Variants in UBAC2 observed in about 807,000 individuals in gnomAD.
The protein encoded by UBAC2 is ubiquitin-associated domain-containing protein 2.
UBAC2 carries 26 observed loss-of-function variants against 44.0 expected under a neutral mutation model. The observed-to-expected ratio is 0.59, with a 90% CI of 0.43 to 0.82. UBAC2 has a LOEUF of 0.82. Ranked by LOEUF, UBAC2 falls within the 40% of genes least tolerant of loss-of-function variation. The pLI is 0.00. For synonymous variants in UBAC2, 155 were observed against 154.3 expected (o/e 1.00, Z -0.04); for missense variants, 329 against 419.4 (o/e 0.78, Z 1.88).
chr13:99,240,869 T>C (rs1418190454), intron 2 of UBAC2, among the ~76,000 whole-genome samples: 8 of 152,210 alleles, frequency 5.3e-5, no homozygotes, highest in Non-Finnish European at 8.8e-5. Context: ...TTTTGACAGT[T>C]GATATGCTCA....
chr13:99,359,921 T>G (rs1346377548), intron 7 of UBAC2, among the ~76,000 whole-genome samples: 1 of 152,224 alleles, frequency 6.6e-6, no homozygotes, highest in African/African-American at 2.4e-5. Flanking sequence ...TGCTGTGTGC[T>G]TCACACTTCA....
chr13:99,224,378 CAAATTTTAGGAGGAAACGTTCAGTCCATA>C lies in UBAC2; in HGVS notation c.32-14047_32-14019del, dbSNP rs567439447. ...TTAGTCAGCATAGAGCTTCAACATA[CAAATTTTAGGAGGAAACGTTCAGTCCATA>C]ACAGTGATTTTCTGTTTGCTTGTAT... On this transcript the variant is annotated intron_variant, in intron 1 of 8. Transcript: ENST00000403766. Among the ~76,000 whole-genome samples the C allele has an allele frequency of 1.4e-4, 21 of 152,280 alleles. No individual in the cohort carries two copies. The East Asian group carries it at 3.9e-3, about 28-fold the overall frequency.
At chr13:99,243,496 T>C (rs192332922) in intron 2 of UBAC2, among the ~76,000 whole-genome samples, 115 of 152,286 alleles carry the variant, frequency 7.6e-4, no homozygotes, top group African/African-American at 2.6e-3. Context: ...GAACATTTGT[T>C]AGCCTTTCAT....
intron 4 of UBAC2, among the ~76,000 whole-genome samples, chr13:99,273,131 C>T (rs1369718066): frequency 6.6e-6 from 1 of 151,588 alleles, no homozygotes; most frequent in African/African-American, 2.4e-5. Flanking sequence ...TCTTTTATCT[C>T]TTCTATTAGT....
chr13:99,254,880 T>C, intron 4 of UBAC2: 1 of 1,607,502 alleles, frequency 6.2e-7, no homozygotes, highest in Non-Finnish European at 8.5e-7. Flanking sequence ...TTATTATTCA[T>C]AACATTTCAC....
intron 1 of UBAC2, among the ~76,000 whole-genome samples, chr13:99,235,479 C>G (rs531514079): frequency 1.3e-5 from 2 of 152,160 alleles, no homozygotes; most frequent in South Asian, 2.1e-4. Flanking sequence ...CCAAAATAAT[C>G]CTGAGCAAAA....
At chr13:99,357,583 A>G (rs2045205887) in intron 7 of UBAC2, among the ~76,000 whole-genome samples, 1 of 152,216 alleles carries the variant, frequency 6.6e-6, no homozygotes, top group Admixed American at 6.5e-5. Flanking sequence ...CAGCTTCCAC[A>G]GAGCACAGGG....
chr13:99,293,211 A>C (rs1166861038), intron 4 of UBAC2, among the ~76,000 whole-genome samples: 2 of 152,224 alleles, frequency 1.3e-5, no homozygotes, highest in Non-Finnish European at 2.9e-5. Context: ...GGGAGGAGGC[A>C]GAAAACTGAA....
At chr13:99,236,191 A>T (rs1444881324) in intron 1 of UBAC2, among the ~76,000 whole-genome samples, 10 of 152,234 alleles carry the variant, frequency 6.6e-5, no homozygotes, top group African/African-American at 2.2e-4. Context: ...AGCCAAAGGA[A>T]AAATAGACAA....
Position 99,200,901 on chromosome 13 carries a change from G to GC in UBAC2, c.-7dup, listed in dbSNP as rs2042785951. On this transcript the variant is annotated 5_prime_UTR_variant, in exon 1 of 9. Transcript: ENST00000403766. Reference sequence around the variant, plus strand: ...GGCGCCCTCTGGGGCTCCGAGCCCGGCGGGACCATGTTCACCAGCACCGGC... The same window carrying GC: ...GGCGCCCTCTGGGGCTCCGAGCCCGGCCGGGACCATGTTCACCAGCACCGGC... 1 of 1,303,818 alleles carries GC rather than the reference G, an allele frequency of 7.7e-7. No homozygotes were observed. Among genetic ancestry groups the GC allele is most frequent in the Non-Finnish European group, 9.8e-7 (1 of 1,018,254 alleles). 80.8% of individuals were successfully genotyped at this position (1,303,818 alleles called of 1,614,324 possible). A position where few individuals can be genotyped will look rare whatever the true frequency, so the allele number is the denominator to read the frequency against.
chr13:99,255,045 G>T (rs1700038253), intron 4 of UBAC2: 4 of 1,614,158 alleles, frequency 2.5e-6, no homozygotes, highest in Non-Finnish European at 2.5e-6. Flanking sequence ...ACGTGCTGAG[G>T]TTCATGAGGA....
chr13:99,265,517 G>C (rs2043730815), intron 4 of UBAC2, among the ~76,000 whole-genome samples: 2 of 152,248 alleles, frequency 1.3e-5, no homozygotes, highest in South Asian at 4.1e-4. Flanking sequence ...ACTGGAGTTT[G>C]AAGTATCTGT....
intron 1 of UBAC2, among the ~76,000 whole-genome samples, chr13:99,206,898 C>T (rs1329335200): frequency 6.6e-6 from 1 of 152,252 alleles, no homozygotes; most frequent in Non-Finnish European, 1.5e-5. Context: ...GCTTCCTGCT[C>T]CCTCTCTCTG....
At chr13:99,284,135 A>C (rs1357685821) in intron 4 of UBAC2, among the ~76,000 whole-genome samples, 1 of 152,210 alleles carries the variant, frequency 6.6e-6, no homozygotes, top group East Asian at 1.9e-4. Flanking sequence ...GTGTATTTCA[A>C]CTTTAGCAAT....
At chr13:99,236,784 A>C (rs1004834104) in intron 1 of UBAC2, among the ~76,000 whole-genome samples, 49 of 152,122 alleles carry the variant, frequency 3.2e-4, no homozygotes, top group Non-Finnish European at 8.8e-5. Flanking sequence ...CGGGGGGCAG[A>C]GGTTGCAGTG....
intron 7 of UBAC2, among the ~76,000 whole-genome samples, chr13:99,344,462 C>T (rs2044941912): frequency 6.6e-6 from 1 of 152,090 alleles, no homozygotes; most frequent in Non-Finnish European, 1.5e-5. Flanking sequence ...TTGTTTGCTC[C>T]TGTATCTTTT....
intron 5 of UBAC2, among the ~76,000 whole-genome samples, chr13:99,316,552 G>T (rs2044493674): frequency 6.6e-6 from 1 of 152,150 alleles, no homozygotes; most frequent in Non-Finnish European, 1.5e-5. Flanking sequence ...GACGTTGTGG[G>T]CTCTCAAGCC....
chr13:99,248,388 A>AT (rs35640725), intron 4 of UBAC2, among the ~76,000 whole-genome samples: 13,601 of 130,090 alleles, frequency 0.1, 777 homozygotes, highest in East Asian at 0.17. Context: ...TGCCCACCTA[A>AT]TTTTTTTTTT....
intron 4 of UBAC2, among the ~76,000 whole-genome samples, chr13:99,269,067 GC>G: frequency 6.6e-6 from 1 of 152,162 alleles, no homozygotes. Context: ...TAACTTTGCA[GC>G]ACTCACTGTC....
Sources: allele counts gnomAD v4.1 joint callset (sites outside exome capture counted in the v4.1 genomes callset), GRCh38; gene constraint gnomAD v4.1.1; transcripts MANE v1.5; gene names NCBI Gene and HGNC (gene_info 2026-07-23, HGNC 2026-07-21).